PDE4B: variants seen among roughly 807,000 people sequenced by gnomAD.
PDE4B encodes the protein 3',5'-cyclic-AMP phosphodiesterase 4B.
PDE4B carries 20 observed loss-of-function variants against 82.2 expected under a neutral mutation model. That is an observed-to-expected ratio of 0.24 (90% CI 0.17 to 0.35). The LOEUF (loss-of-function observed/expected upper bound fraction) is 0.35. Ranked by LOEUF, PDE4B falls within the 10% of genes least tolerant of loss-of-function variation. The pLI is 1.00. For missense variants in PDE4B, 655 were observed against 907.2 expected, an observed-to-expected ratio of 0.72 and a Z score of 3.57; for synonymous variants, 320 against 318.9, an observed-to-expected ratio of 1.00 and a Z score of -0.04.
intron 1 of PDE4B, among the ~76,000 whole-genome samples, chr1:65,819,731 C>G (rs1645931517): frequency 6.6e-6 from 1 of 152,082 alleles, no homozygotes; most frequent in African/African-American, 2.4e-5. Flanking sequence ...GATCTCCTGA[C>G]CTCATGATCC....
chr1:66,247,955 A>G (rs1206914193), intron 4 of PDE4B, among the ~76,000 whole-genome samples: 4 of 152,340 alleles, frequency 2.6e-5, no homozygotes, highest in Non-Finnish European at 5.9e-5. Context: ...CATTTATGGC[A>G]TGAGAACCTT....
chr1:65,897,374 A>AATACAATT, intron 1 of PDE4B, among the ~76,000 whole-genome samples: 1 of 152,242 alleles, frequency 6.6e-6, no homozygotes, highest in East Asian at 1.9e-4. Flanking sequence ...AAAGGCATGC[A>AATACAATT]ATACAATTTC....
At chr1:66,216,265 G>A (rs1173719071) in intron 3 of PDE4B, among the ~76,000 whole-genome samples, 6 of 151,296 alleles carry the variant, frequency 4.0e-5, no homozygotes, top group Admixed American at 2.0e-4. Flanking sequence ...TCAATTGATA[G>A]GTTAAGTAAA....
chr1:66,129,680 A>C (rs1645898689), intron 3 of PDE4B, among the ~76,000 whole-genome samples: 2 of 55,954 alleles, frequency 3.6e-5, no homozygotes, highest in East Asian at 3.0e-4. Flanking sequence ...AAACAAAAAA[A>C]CAAAAAAACA....
intron 3 of PDE4B, among the ~76,000 whole-genome samples, chr1:65,968,535 T>C (rs776389778): frequency 2.6e-5 from 4 of 152,046 alleles, no homozygotes; most frequent in Non-Finnish European, 4.4e-5. Flanking sequence ...AGCAAGATCT[T>C]AGAGGAATGG....
intron 8 of PDE4B, among the ~76,000 whole-genome samples, chr1:66,352,530 C>T (rs917721232): frequency 6.6e-6 from 1 of 152,128 alleles, no homozygotes; most frequent in African/African-American, 2.4e-5. Context: ...CCTCTTATAG[C>T]CTTTTATGAT....
intron 8 of PDE4B, among the ~76,000 whole-genome samples, chr1:66,343,374 A>T (rs1661159973): frequency 6.6e-6 from 1 of 152,160 alleles, no homozygotes; most frequent in Non-Finnish European, 1.5e-5. Flanking sequence ...CTTGGCTCAA[A>T]CATGTCATCA....
intron 1 of PDE4B, among the ~76,000 whole-genome samples, chr1:65,907,420 AATCCCTT>A (rs1647039076): frequency 6.6e-6 from 1 of 152,146 alleles, no homozygotes. Flanking sequence ...ATTATACTCC[AATCCCTT>A]TATTTGACAA....
intron 3 of PDE4B, among the ~76,000 whole-genome samples, chr1:66,203,411 A>T (rs1174760000): frequency 6.6e-6 from 1 of 152,052 alleles, no homozygotes; most frequent in Non-Finnish European, 1.5e-5. Flanking sequence ...TAGATTGGGG[A>T]AGTTCTCCTG....
chr1:66,143,394 C>T (rs545537528), intron 3 of PDE4B, among the ~76,000 whole-genome samples: 7 of 152,196 alleles, frequency 4.6e-5, no homozygotes, highest in South Asian at 2.1e-4. Context: ...GTGGATCAGG[C>T]GTTACATCTG....
intron 1 of PDE4B, among the ~76,000 whole-genome samples, chr1:65,825,071 C>T (rs1645998762): frequency 1.3e-5 from 2 of 152,218 alleles, no homozygotes; most frequent in South Asian, 2.1e-4. Flanking sequence ...TTCCTTACCT[C>T]TTTTATCTCT....
intron 3 of PDE4B, among the ~76,000 whole-genome samples, chr1:66,088,904 T>C (rs539810285): frequency 1.3e-5 from 2 of 152,240 alleles, no homozygotes; most frequent in South Asian, 2.1e-4. Context: ...TTTTTCTGCA[T>C]CTGCAGCCTT....
intron 6 of PDE4B, among the ~76,000 whole-genome samples, chr1:66,261,195 AGG>A (rs1030326845): frequency 1.1e-4 from 16 of 152,198 alleles, no homozygotes; most frequent in African/African-American, 3.4e-4. Flanking sequence ...GCAGTCTGGC[AGG>A]GGCAGGCTGG....
In PDE4B at chr1:65,913,430, C is replaced by A. The variant is rs538740593; in HGVS notation, c.42+74C>A. On this transcript the variant is annotated intron_variant, in intron 2 of 16. Coordinates refer to ENST00000341517, the MANE Select transcript of PDE4B (RefSeq NM_002600.4). ...TCACTGGATAATTCTATTCAAAGGG[C>A]AGCTGGGGGCATTTAACACACCACT... 19 of 1,412,260 alleles carry A rather than the reference C, an allele frequency of 1.3e-5. No homozygotes were observed. In the East Asian group the frequency reaches 3.7e-4, roughly 27 times the overall value. 87.5% of individuals were successfully genotyped at this position (1,412,260 alleles called of 1,614,324 possible). A position where few individuals can be genotyped will look rare whatever the true frequency, so the allele number is the denominator to read the frequency against.
intron 3 of PDE4B, among the ~76,000 whole-genome samples, chr1:65,944,522 T>C (rs1312162839): frequency 1.3e-5 from 2 of 151,980 alleles, no homozygotes; most frequent in African/African-American, 2.4e-5. Flanking sequence ...TGTGGACTTA[T>C]AAGTTTTGGG....
intron 7 of PDE4B, among the ~76,000 whole-genome samples, chr1:66,297,695 A>T (rs1415023500): frequency 1.3e-5 from 2 of 152,126 alleles, no homozygotes; most frequent in Non-Finnish European, 2.9e-5. Context: ...TACTCCATTC[A>T]TAAGGACTCT....
intron 3 of PDE4B, among the ~76,000 whole-genome samples, chr1:66,169,154 T>C (rs534261165): frequency 6.6e-6 from 1 of 152,318 alleles, no homozygotes; most frequent in African/African-American, 2.4e-5. Flanking sequence ...AGGACCCTTG[T>C]CCTCTCTGTT....
chr1:65,951,825 T>G (rs1649015137), intron 3 of PDE4B, among the ~76,000 whole-genome samples: 1 of 152,102 alleles, frequency 6.6e-6, no homozygotes, highest in South Asian at 2.1e-4. Flanking sequence ...CCTGTTTCAT[T>G]TTCTCCTTTT....
At chr1:66,140,435 A>G (rs1646149011) in intron 3 of PDE4B, among the ~76,000 whole-genome samples, 2 of 152,262 alleles carry the variant, frequency 1.3e-5, no homozygotes, top group Non-Finnish European at 2.9e-5. Flanking sequence ...AGCATAAAAT[A>G]TAATTTAAAT....
Sources: allele counts gnomAD v4.1 joint callset (sites outside exome capture counted in the v4.1 genomes callset), GRCh38; gene constraint gnomAD v4.1.1; transcripts MANE v1.5; gene names NCBI Gene and HGNC (gene_info 2026-07-23, HGNC 2026-07-21).